NOP9: variants seen among roughly 807,000 people sequenced by gnomAD.
NOP9 encodes the protein nucleolar protein 9.
Under a neutral mutation model 63.0 loss-of-function variants are expected in NOP9, and 50 were observed. That is an observed-to-expected ratio of 0.79 (90% CI 0.63 to 1.00). NOP9 has a LOEUF of 1.00. Ranked by LOEUF, NOP9 falls within the 50% of genes least tolerant of loss-of-function variation. The pLI is 0.00. For synonymous variants in NOP9, 343 were observed against 332.8 expected, an observed-to-expected ratio of 1.03 and a Z score of -0.33; for missense variants, 758 against 803.0, an observed-to-expected ratio of 0.94 and a Z score of 0.68.
chr14:24,277,823 G>A, the NOP9 span, among the ~76,000 whole-genome samples: 1 of 152,108 alleles, frequency 6.6e-6, no homozygotes, highest in Non-Finnish European at 1.5e-5. Flanking sequence ...CTGGATGCTG[G>A]CCTTGTGGGG....
Position 24,306,676 on chromosome 14 carries a change from G to T in NOP9, c.*1581G>T. The stretch of plus-strand genomic sequence containing the variant: ...TACCTCCTAAAGGTTGCAGCTCTCC[G>T]TGTTCTTCAGTTTTTGGGGGATCCT... On this transcript the variant is annotated 3_prime_UTR_variant, in exon 10 of 10. Transcript: ENST00000267425. The T allele has an allele frequency of 1.1e-6, 1 of 876,904 alleles. No individual in the cohort carries two copies. The highest frequency in any genetic ancestry group is 1.7e-6 in the Non-Finnish European group (1 of 573,592). The allele number at this position is 876,904 out of a possible 1,614,324, so 54.3% of individuals were successfully genotyped here.
Position 24,305,538 on chromosome 14 carries a change from A to C in NOP9, c.*443A>C. 6.7e-7 allele frequency: 1 copy of C among 1,494,736 alleles called. No individual in the cohort carries two copies. Among genetic ancestry groups the C allele is most frequent in the East Asian group, 2.3e-5 (1 of 44,166 alleles). 92.6% of individuals were successfully genotyped at this position (1,494,736 alleles called of 1,614,324 possible). A position where few individuals can be genotyped will look rare whatever the true frequency, so the allele number is the denominator to read the frequency against. Reference sequence around the variant, plus strand: ...AGTGGGGAAATTGGGTGGGTTATCTAGCCTGTACTGTCTGCAGGTCCTGAA... The same window carrying C: ...AGTGGGGAAATTGGGTGGGTTATCTCGCCTGTACTGTCTGCAGGTCCTGAA... On this transcript the variant is annotated 3_prime_UTR_variant, in exon 10 of 10. Coordinates refer to ENST00000267425, the MANE Select transcript of NOP9 (RefSeq NM_174913.3).
intron 5 of NOP9, 71 bp from the exon 6 acceptor site, chr14:24,303,003 G>A: frequency 2.8e-6 from 4 of 1,449,140 alleles, no homozygotes; most frequent in Non-Finnish European, 3.7e-6. Flanking sequence ...GTTTTCGTTG[G>A]GAAGATTTCT....
chr14:24,304,250 G>C lies in NOP9; in HGVS notation c.1620G>C (p.Leu540=). The C allele has an allele frequency of 6.2e-7, 1 of 1,614,070 alleles. No individual in the cohort carries two copies. Among genetic ancestry groups the C allele is most frequent in the Non-Finnish European group, 8.5e-7 (1 of 1,180,018 alleles). Residue 540 remains leucine (L), a synonymous_variant, in exon 8 of 10, where the codon CTG becomes CTC. Coordinates refer to ENST00000267425, the MANE Select transcript of NOP9 (RefSeq NM_174913.3). ...ILTSPSVTRK[L]RRRVLQNLKG... Reference sequence around the variant, plus strand: ...CCAGCCCCTCTGTGACGCGCAAGCTGCGCCGCCGTGTGCTGCAGAACCTAA... The same window carrying C: ...CCAGCCCCTCTGTGACGCGCAAGCTCCGCCGCCGTGTGCTGCAGAACCTAA...
At position 24,305,036 on chromosome 14, in the gene NOP9, C is replaced by T; in HGVS notation, c.1852C>T (p.Gln618Ter). ...CCTAAAGCGGCGAGAGGCTTGGGAA[C>T]AGCAGCAGGGTGCGGTGGCCAAGCG... ...TFLKRREAWE[Q>*]QQGAVAKRRR... is the part of the protein sequence containing the mutation. Residue 618 changes from glutamine to a stop codon, truncating the protein, a stop_gained, in exon 10 of 10, where the codon CAG becomes TAG. Transcript: ENST00000267425. LOFTEE classifies it high-confidence loss of function. 4 of 1,605,366 alleles carry T rather than the reference C, an allele frequency of 2.5e-6. No individual in the cohort carries two copies. The African/African-American group carries it at 4.0e-5, about 16-fold the overall frequency.
the NOP9 span, chr14:24,291,820 C>T: frequency 7.9e-6 from 5 of 635,454 alleles, no homozygotes; most frequent in Non-Finnish European, 1.4e-5. Flanking sequence ...GAGCCCTGTG[C>T]CCTGGCACCA....
the NOP9 span, among the ~76,000 whole-genome samples, chr14:24,282,302 G>A: frequency 6.6e-6 from 1 of 152,222 alleles, no homozygotes; most frequent in African/African-American, 2.4e-5. Flanking sequence ...GACTCTCGCT[G>A]TAAAGCCTTG....
chr14:24,294,166 G>T, the NOP9 span: 41 of 151,956 alleles, frequency 2.7e-4, no homozygotes, highest in African/African-American at 9.9e-4. Context: ...TAAACTTGAG[G>T]GAAAAGGCTT....
At chr14:24,296,773 C>T (rs1191336070), upstream of NOP9, 1 of 1,614,202 alleles carries the variant, frequency 6.2e-7, no homozygotes, top group Non-Finnish European at 8.5e-7. Context: ...ACCAGCACAT[C>T]TAGACGCCCT....
At chr14:24,279,883 A>G in the NOP9 span, among the ~76,000 whole-genome samples, 2 of 152,194 alleles carry the variant, frequency 1.3e-5, no homozygotes, top group African/African-American at 4.8e-5. Context: ...ATGTCAAGTG[A>G]GAAGCAGAAG....
chr14:24,305,238 G>C lies in NOP9; in HGVS notation c.*143G>C. 1.1e-6 allele frequency: 1 copy of C among 948,192 alleles called. No homozygotes were observed. Among genetic ancestry groups the C allele is most frequent in the Admixed American group, 3.6e-5 (1 of 27,622 alleles). 58.7% of individuals were successfully genotyped at this position (948,192 alleles called of 1,614,324 possible). On this transcript the variant is annotated 3_prime_UTR_variant, in exon 10 of 10. Transcript: ENST00000267425. The stretch of plus-strand genomic sequence containing the variant: ...TTGGAAATGTTTTTGTTAGTTTGAG[G>C]GGAAGGGTATGAAGACAGATCTCAA...
At chr14:24,304,431 A>C (rs2041439850) in intron 8 of NOP9, 62 bp from the exon 9 acceptor site, 1 of 1,458,338 alleles carries the variant, frequency 6.9e-7, no homozygotes, top group East Asian at 2.3e-5. Flanking sequence ...CACTCTCCAC[A>C]AGCCTCCAAA....
At chr14:24,298,233 G>A (rs1269581554), upstream of NOP9, among the ~76,000 whole-genome samples, 1 of 152,050 alleles carries the variant, frequency 6.6e-6, no homozygotes, top group Non-Finnish European at 1.5e-5. Context: ...AATATTTTTT[G>A]TAGAGACTGG....
At position 24,300,667 on chromosome 14, in the gene NOP9, G is replaced by GGAGGAT. The variant is rs753732886; in HGVS notation, c.509_510insGGATGA (p.Glu169_Asp170insGluAsp). On this transcript the variant is annotated inframe_insertion, in exon 2 of 10. Transcript: ENST00000267425. ...CAGAGGAGGAGGAGGAGGAGGAGGAGGATGGAAAGGATGGTCCCACGGAGA... is the reference window on the plus strand; with the variant it reads ...CAGAGGAGGAGGAGGAGGAGGAGGAGGAGGATGATGGAAAGGATGGTCCCACGGAGA... 1.2e-6 allele frequency: 2 copies of GGAGGAT among 1,613,676 alleles called. No individual in the cohort carries two copies. Among genetic ancestry groups the GGAGGAT allele is most frequent in the South Asian group, 1.1e-5 (1 of 91,052 alleles).
chr14:24,302,131 C>T (rs778226693), intron 4 of NOP9, 25 bp downstream of exon 4: 1 of 1,607,048 alleles, frequency 6.2e-7, no homozygotes, highest in East Asian at 2.2e-5. Context: ...TCAGGATCGA[C>T]CCAAGTTGGC....
chr14:24,292,547 G>C, the NOP9 span: 9 of 1,592,676 alleles, frequency 5.7e-6, no homozygotes, highest in Non-Finnish European at 7.7e-6. Flanking sequence ...GAGGAGCTGA[G>C]AGGAGCCAGC....
Position 24,305,864 on chromosome 14 carries a change from AG to A in NOP9, c.*773del. The A allele has an allele frequency of 6.3e-7, 1 of 1,582,104 alleles. No individual in the cohort carries two copies. Among genetic ancestry groups the A allele is most frequent in the South Asian group, 1.2e-5 (1 of 86,112 alleles). On this transcript the variant is annotated 3_prime_UTR_variant, in exon 10 of 10. Coordinates refer to ENST00000267425, the MANE Select transcript of NOP9 (RefSeq NM_174913.3). ...GACTTTCCACAAGCAAGAGCTAACT[AG>A]GGGTAGGTGGGTGCAAGAGGACGAA...
chr14:24,308,473 G>GCTTACCTGCTCTTTCCTTCCTC lies in NOP9; in HGVS notation c.*3382_*3403dup, dbSNP rs2041590612. On this transcript the variant is annotated 3_prime_UTR_variant, in exon 10 of 10. Transcript: ENST00000267425. The stretch of plus-strand genomic sequence containing the variant: ...TCCTGTCTGGGACACTGGCCTTCCT[G>GCTTACCTGCTCTTTCCTTCCTC]CTTACCTGCTCTTTCCTTCCTCCTT... 1.3e-5 allele frequency: 2 copies of GCTTACCTGCTCTTTCCTTCCTC among 153,700 alleles called. No homozygotes were observed. The highest frequency in any genetic ancestry group is 1.3e-4 in the Admixed American group (2 of 15,642). 9.5% of individuals were successfully genotyped at this position (153,700 alleles called of 1,614,324 possible).
intron 6 of NOP9, 129 bp from the exon 7 acceptor site, chr14:24,303,603 C>T: frequency 1.1e-6 from 1 of 895,148 alleles, no homozygotes; most frequent in Admixed American, 1.9e-5. Context: ...CAAGGCATGA[C>T]ATCTGCTTTC....
Sources: allele counts gnomAD v4.1 joint callset (sites outside exome capture counted in the v4.1 genomes callset), GRCh38; gene constraint gnomAD v4.1.1; transcripts MANE v1.5; gene names NCBI Gene and HGNC (gene_info 2026-07-23, HGNC 2026-07-21).